Variants in MYO1D observed in about 807,000 individuals in gnomAD.
The protein encoded by MYO1D is unconventional myosin-Id.
In MYO1D, 83 loss-of-function variants were observed where a neutral mutation model predicts 122.0. The ratio of observed to expected loss-of-function variants is 0.68; its 90% CI spans 0.57 to 0.82. The LOEUF (loss-of-function observed/expected upper bound fraction) is 0.82. MYO1D is among the 40% of genes least tolerant of loss of function. The pLI is 0.00. For synonymous variants in MYO1D, 464 were observed against 446.9 expected (o/e 1.04, Z -0.48); for missense variants, 1,157 against 1,269.5 (o/e 0.91, Z 1.35).
At chr17:32,586,618 C>T (rs572166896) in intron 21 of MYO1D, among the ~76,000 whole-genome samples, 2 of 152,294 alleles carry the variant, frequency 1.3e-5, no homozygotes, top group African/African-American at 4.8e-5. Context: ...TTTCTTCTCA[C>T]TGAACTTATG....
chr17:32,597,868 CAAAAA>C (rs755415435), intron 21 of MYO1D, among the ~76,000 whole-genome samples: 1,219 of 62,702 alleles, frequency 0.019, 7 homozygotes, highest in Non-Finnish European at 0.03. Context: ...AACCCTGTCT[CAAAAA>C]AAAAAAAAAA....
chr17:32,846,234 A>G (rs929091090), intron 1 of MYO1D, among the ~76,000 whole-genome samples: 4 of 152,230 alleles, frequency 2.6e-5, no homozygotes, highest in Admixed American at 6.5e-5. Flanking sequence ...ACACCTTTTG[A>G]GGCTTTGGTC....
At chr17:32,856,083 T>C (rs2091025391) in intron 1 of MYO1D, among the ~76,000 whole-genome samples, 1 of 151,922 alleles carries the variant, frequency 6.6e-6, no homozygotes, top group South Asian at 2.1e-4. Flanking sequence ...GATGCTATTC[T>C]TGGATGATTT....
chr17:32,494,991 C>T, intron 21 of MYO1D, 76 bp from the exon 22 acceptor site: 1 of 1,455,860 alleles, frequency 6.9e-7, no homozygotes, highest in African/African-American at 1.4e-5. Context: ...CAGCTCCCGG[C>T]CACCATTGGC....
chr17:32,875,138 A>G (rs1209407069), intron 1 of MYO1D, among the ~76,000 whole-genome samples: 6 of 152,248 alleles, frequency 3.9e-5, no homozygotes. Flanking sequence ...TGTATACAGT[A>G]TGTACATAAT....
chr17:32,681,341 G>T (rs1222677987), intron 16 of MYO1D, among the ~76,000 whole-genome samples: 1 of 140,604 alleles, frequency 7.1e-6, no homozygotes, highest in African/African-American at 2.7e-5. Flanking sequence ...TAATTGTGAT[G>T]TTAGGGTGTC....
Position 32,625,411 on chromosome 17 carries a change from G to T in MYO1D, c.2709+13311C>A, listed in dbSNP as rs148832904. On this transcript the variant is annotated intron_variant, in intron 20 of 21. Coordinates refer to ENST00000318217, the MANE Select transcript of MYO1D (RefSeq NM_015194.3). ...TTGCGCTAGTGGTCAACTTCTCTGA[G>T]AATTTATTTCATCTATAAAATGAGA... 3.9e-5 allele frequency among the ~76,000 whole-genome samples: 6 copies of T among 152,258 alleles called. No individual in the cohort carries two copies. The East Asian group carries it at 9.7e-4, about 25-fold the overall frequency.
chr17:32,557,840 G>A (rs2087082217), intron 21 of MYO1D, among the ~76,000 whole-genome samples: 1 of 151,868 alleles, frequency 6.6e-6, no homozygotes, highest in African/African-American at 2.4e-5. Context: ...AATTCAAATT[G>A]TGTTTATAAA....
chr17:32,772,975 T>G, intron 4 of MYO1D, 133 bp from the exon 5 acceptor site: 1 of 710,634 alleles, frequency 1.4e-6, no homozygotes, highest in Non-Finnish European at 2.5e-6. Context: ...CTGAAGCAAC[T>G]GAAGAATCAC....
At chr17:32,597,578 C>T (rs575628636) in intron 21 of MYO1D, among the ~76,000 whole-genome samples, 7 of 152,026 alleles carry the variant, frequency 4.6e-5, no homozygotes, top group South Asian at 2.1e-4. Flanking sequence ...GTGATAGATA[C>T]GGATATCTTC....
At chr17:32,859,316 T>C (rs1472800810) in intron 1 of MYO1D, among the ~76,000 whole-genome samples, 2 of 152,194 alleles carry the variant, frequency 1.3e-5, no homozygotes, top group African/African-American at 4.8e-5. Context: ...ACATATTTAC[T>C]TGTTTGTCAA....
intron 1 of MYO1D, among the ~76,000 whole-genome samples, chr17:32,805,556 A>G (rs1316471298): frequency 2.0e-5 from 3 of 152,192 alleles, no homozygotes; most frequent in Non-Finnish European, 4.4e-5. Context: ...TTTGAAGCCA[A>G]AACCGATGGA....
intron 20 of MYO1D, among the ~76,000 whole-genome samples, chr17:32,618,643 T>TTC (rs2087809892): frequency 6.6e-6 from 1 of 151,650 alleles, no homozygotes; most frequent in African/African-American, 2.4e-5. Flanking sequence ...TTAATTCTTT[T>TTC]TTTTTTTTTG....
chr17:32,787,566 C>T (rs11080188), intron 1 of MYO1D, among the ~76,000 whole-genome samples: 66,076 of 151,700 alleles, frequency 0.44, 14,952 homozygotes, highest in East Asian at 0.72. Context: ...CTACAGGCGC[C>T]CACCACCACG....
intron 13 of MYO1D, 142 bp downstream of exon 13, chr17:32,745,069 T>C (rs1004277445): frequency 6.8e-6 from 4 of 588,772 alleles, no homozygotes; most frequent in South Asian, 2.0e-5. Flanking sequence ...AAGTTAGTTA[T>C]ATGCTATTTA....
At chr17:32,820,367 A>G (rs1039362572) in intron 1 of MYO1D, among the ~76,000 whole-genome samples, 1 of 152,238 alleles carries the variant, frequency 6.6e-6, no homozygotes, top group Non-Finnish European at 1.5e-5. Context: ...AAAGAATCAA[A>G]GTGTCTGTTG....
chr17:32,677,576 GATAAATATATATATATATATATATATAT>G (rs2088834233), intron 16 of MYO1D, among the ~76,000 whole-genome samples: 3 of 98,940 alleles, frequency 3.0e-5, no homozygotes, highest in Non-Finnish European at 5.9e-5. Context: ...TATATAGATA[GATAAATATATATATATATATATATATAT>G]ATATATATAT....
chr17:32,687,517 A>T (rs2089035314), intron 16 of MYO1D, among the ~76,000 whole-genome samples: 1 of 151,468 alleles, frequency 6.6e-6, no homozygotes, highest in Admixed American at 6.6e-5. Context: ...AATTTTTAAA[A>T]TTTTTTGTAG....
chr17:32,510,829 T>C (rs1246524630), intron 21 of MYO1D: 2 of 152,200 alleles, frequency 1.3e-5, no homozygotes, highest in Admixed American at 6.5e-5. Context: ...ATCTGTACTC[T>C]TTAAAGGCTG....
Sources: allele counts gnomAD v4.1 joint callset (sites outside exome capture counted in the v4.1 genomes callset), GRCh38; gene constraint gnomAD v4.1.1; transcripts MANE v1.5; gene names NCBI Gene and HGNC (gene_info 2026-07-23, HGNC 2026-07-21).